LRP2: variants seen among roughly 807,000 people sequenced by gnomAD.
LRP2 encodes low-density lipoprotein receptor-related protein 2.
LRP2 carries 172 observed loss-of-function variants against 531.0 expected under a neutral mutation model. The observed-to-expected ratio is 0.32, with a 90% CI of 0.29 to 0.37. The LOEUF (loss-of-function observed/expected upper bound fraction) is 0.37. LRP2 is among the 10% of genes least tolerant of loss of function. The pLI is 1.00. For missense variants in LRP2, 5,167 were observed against 5,868.3 expected (o/e 0.88, Z 3.90); for synonymous variants, 1,992 against 2,027.6 (o/e 0.98, Z 0.47).
At position 169,268,709 on chromosome 2, in the gene LRP2, C is replaced by T. The variant is rs570304433; in HGVS notation, c.2320+2195G>A. Among the ~76,000 whole-genome samples, 11 of 152,326 alleles carry T rather than the reference C, an allele frequency of 7.2e-5. No individual in the cohort carries two copies. The South Asian group carries it at 2.3e-3, about 32-fold the overall frequency. Reference sequence around the variant, plus strand: ...AACTGGCACAAGGCAGGGATGCCCTCTCTCGCCACTCCTACTCAGCATAGT... The same window carrying T: ...AACTGGCACAAGGCAGGGATGCCCTTTCTCGCCACTCCTACTCAGCATAGT... On this transcript the variant is annotated intron_variant, in intron 16 of 78. Transcript: ENST00000649046.
intron 57 of LRP2, among the ~76,000 whole-genome samples, 185 bp downstream of exon 57, chr2:169,172,911 C>T (rs1054234850): frequency 1.3e-5 from 2 of 152,152 alleles, no homozygotes; most frequent in Non-Finnish European, 2.9e-5. Flanking sequence ...AAATTAAATA[C>T]CCCTGGTAAC....
chr2:169,314,924 C>T lies in LRP2; in HGVS notation c.310+3838G>A, dbSNP rs567514851. Among the ~76,000 whole-genome samples, 8 of 152,148 alleles carry T rather than the reference C, an allele frequency of 5.3e-5. No individual in the cohort carries two copies. In the South Asian group the frequency reaches 6.2e-4, roughly 12 times the overall value. On this transcript the variant is annotated intron_variant, in intron 3 of 78. Coordinates refer to ENST00000649046, the MANE Select transcript of LRP2 (RefSeq NM_004525.3). Reference sequence around the variant, plus strand: ...AAATTAAAGAACTTTCTTTTATTCCCGAGAAGGCAAGTCATGGGTTGTCTC... The same window carrying T: ...AAATTAAAGAACTTTCTTTTATTCCTGAGAAGGCAAGTCATGGGTTGTCTC...
chr2:169,139,683 C>G, intron 72 of LRP2, 73 bp from the exon 73 acceptor site: 1 of 1,286,552 alleles, frequency 7.8e-7, no homozygotes, highest in South Asian at 1.2e-5. Flanking sequence ...TGAGCACATC[C>G]TGAAGTAGAG....
intron 25 of LRP2, 89 bp from the exon 26 acceptor site, chr2:169,239,864 T>C: frequency 9.0e-7 from 1 of 1,116,758 alleles, no homozygotes; most frequent in Non-Finnish European, 1.3e-6. Context: ...TTATGCAGTC[T>C]CATGCCACCT....
intron 3 of LRP2, among the ~76,000 whole-genome samples, chr2:169,311,423 G>A (rs1684595227): frequency 6.6e-6 from 1 of 152,200 alleles, no homozygotes; most frequent in East Asian, 1.9e-4. Flanking sequence ...TGGTTTCAAA[G>A]AACATCTTTA....
chr2:169,231,128 T>C (rs921162700), intron 31 of LRP2, among the ~76,000 whole-genome samples: 1 of 151,928 alleles, frequency 6.6e-6, no homozygotes, highest in Non-Finnish European at 1.5e-5. Context: ...ACCCGGTCTC[T>C]ACAAAAAATA....
chr2:169,325,322 T>A (rs1574258215), intron 1 of LRP2, among the ~76,000 whole-genome samples: 1 of 152,242 alleles, frequency 6.6e-6, no homozygotes, highest in African/African-American at 2.4e-5. Context: ...GTCCTCTTTT[T>A]AAAAATTTGT....
Position 169,280,342 on chromosome 2 carries a change from C to T in LRP2, c.1341+8G>A. 1.2e-6 allele frequency: 2 copies of T among 1,614,132 alleles called. No homozygotes were observed. Among genetic ancestry groups the T allele is most frequent in the Non-Finnish European group, 1.7e-6 (2 of 1,179,998 alleles). ...GGGTTCCATTCAGCTACTGAAATTT[C>T]TATTTACCTTATTTTGCACGGTGTC... On this transcript the variant is annotated splice_region_variant and intron_variant, in intron 11 of 78. Transcript: ENST00000649046.
intron 68 of LRP2, among the ~76,000 whole-genome samples, chr2:169,147,175 T>C (rs1191600157): frequency 6.6e-6 from 1 of 152,182 alleles, no homozygotes; most frequent in Non-Finnish European, 1.5e-5. Context: ...ACCTCCTTAA[T>C]AGAAATTGGC....
intron 1 of LRP2, among the ~76,000 whole-genome samples, chr2:169,333,403 T>C (rs1685316701): frequency 6.6e-6 from 1 of 151,152 alleles, no homozygotes; most frequent in African/African-American, 2.4e-5. Flanking sequence ...TATGATGTGT[T>C]AGAATATATG....
intron 77 of LRP2, among the ~76,000 whole-genome samples, chr2:169,131,558 A>G (rs1019579846): frequency 6.6e-6 from 1 of 152,208 alleles, no homozygotes; most frequent in African/African-American, 2.4e-5. Context: ...AATTGGTCAT[A>G]GAATCTTAGA....
chr2:169,170,559 C>T lies in LRP2; in HGVS notation c.11372G>A (p.Arg3791Gln), dbSNP rs774602773. The T allele has an allele frequency of 7.4e-6, 12 of 1,613,154 alleles. No individual in the cohort carries two copies. The highest frequency in any genetic ancestry group is 3.3e-5 in the Admixed American group (2 of 60,004). ...YNDCGDNSDE[R>Q]DCEMRTCHPE... ...TCTCAAATGACAGTTACCACAGTCC[C>T]GTTCATCTGAGTTGTCCCCACAGTC... is the stretch of plus-strand genomic sequence containing the variant. The change falls in exon 59 of 79, where the codon CGG (arginine) becomes CAG (glutamine). Residue 3791 changes from arginine (R) to glutamine (Q), a missense_variant. This residue lies in a region of LRP2 where 564 missense variants were observed against 747.7 expected (regional missense o/e 0.75). Coordinates refer to ENST00000649046, the MANE Select transcript of LRP2 (RefSeq NM_004525.3).
rs1337766964 is a variant in LRP2 at position 169,145,907 on chromosome 2, G to C, written c.12828C>G (p.Ser4276Arg). Residue 4276 changes from serine (S) to arginine (R), a missense_variant, in exon 70 of 79, where the codon AGC (serine) becomes AGG (arginine). By Grantham distance (110) the Ser-to-Arg change is moderately radical. Transcript: ENST00000649046. ...ATAACTGGTCTTCAAAGATGTCCAGGCTGTAAGGGTTCATTGCTGCTTACC... is the reference window on the plus strand; with the variant it reads ...ATAACTGGTCTTCAAAGATGTCCAGCCTGTAAGGGTTCATTGCTGCTTACC... ...VIAKEAMNPY[S>R]LDIFEDQLYW... The C allele has an allele frequency of 3.1e-6, 5 of 1,613,906 alleles. No homozygotes were observed. The highest frequency in any genetic ancestry group is 4.2e-6 in the Non-Finnish European group (5 of 1,180,000).
chr2:169,140,598 C>A, intron 71 of LRP2, 53 bp from the exon 72 acceptor site: 1 of 1,406,156 alleles, frequency 7.1e-7, no homozygotes, highest in Non-Finnish European at 1.0e-6. Flanking sequence ...CAGCAGAGTG[C>A]CCACACCATG....
intron 63 of LRP2, among the ~76,000 whole-genome samples, chr2:169,160,199 C>T (rs1558986130): frequency 6.6e-6 from 1 of 152,000 alleles, no homozygotes; most frequent in Non-Finnish European, 1.5e-5. Flanking sequence ...TCCTTTATAC[C>T]TGAATGGTGC....
intron 1 of LRP2, among the ~76,000 whole-genome samples, chr2:169,349,304 AG>A (rs1452844503): frequency 6.6e-6 from 1 of 152,148 alleles, no homozygotes; most frequent in Non-Finnish European, 1.5e-5. Flanking sequence ...GAGGAAAGGA[AG>A]TAAGTCATGC....
At position 169,243,402 on chromosome 2, in the gene LRP2, C is replaced by A; in HGVS notation, c.3550+1G>T. 6.2e-7 allele frequency: 1 copy of A among 1,614,038 alleles called. No individual in the cohort carries two copies. Among genetic ancestry groups the A allele is most frequent in the Non-Finnish European group, 8.5e-7 (1 of 1,179,948 alleles). On this transcript the variant is annotated splice_donor_variant, in intron 23 of 78. Transcript: ENST00000649046. LOFTEE classifies it high-confidence loss of function. Reference sequence around the variant, plus strand: ...AATAAAAAAGAAGGCAATGCACTTACCACAACCAACCTCATCAGATCCATC... The same window carrying A: ...AATAAAAAAGAAGGCAATGCACTTAACACAACCAACCTCATCAGATCCATC...
Position 169,241,272 on chromosome 2 carries a change from G to A in LRP2, c.3761C>T (p.Pro1254Leu), listed in dbSNP as rs2105383685. ...IPNFWECDGH[P>L]DCLYGSDEHN... ...CTCATCAGATCCATAGAGGCAGTCT[G>A]GATGCCCATCACATTCCCAGAAGTT... Residue 1254 changes from proline (P) to leucine (L), a missense_variant, in exon 25 of 79, where the codon CCA (proline) becomes CTA (leucine). By Grantham distance (98) the Pro-to-Leu change is moderately conservative (BLOSUM62 -3). This residue lies in a region of LRP2 where 2,811 missense variants were observed against 3,058.0 expected (regional missense o/e 0.92). Transcript: ENST00000649046. 6.2e-7 allele frequency: 1 copy of A among 1,614,176 alleles called. No homozygotes were observed. The highest frequency in any genetic ancestry group is 8.5e-7 in the Non-Finnish European group (1 of 1,180,038).
chr2:169,174,039 T>C lies in LRP2; in HGVS notation c.10894A>G (p.Ser3632Gly), dbSNP rs17848188. ...AACTGGCCCGGCCGGCAGGTCCTGCTGGCACAGTGGGAACTGTCTTCATCT... is the reference window on the plus strand; with the variant it reads ...AACTGGCCCGGCCGGCAGGTCCTGCCGGCACAGTGGGAACTGTCTTCATCT... ...NSDEDSSHCA[S>G]RTCRPGQFRC... Residue 3632 changes from serine (S) to glycine (G), a missense_variant, in exon 56 of 79, where the codon AGC (serine) becomes GGC (glycine). By Grantham distance (56) the Ser-to-Gly change is moderately conservative. This residue lies in a region of LRP2 where 311 missense variants were observed against 309.4 expected (regional missense o/e 1.01). Transcript: ENST00000649046. 84 of 1,614,240 alleles carry C rather than the reference T, an allele frequency of 5.2e-5. No homozygotes were observed. The East Asian group carries it at 1.9e-3, about 36-fold the overall frequency.
Sources: allele counts gnomAD v4.1 joint callset (sites outside exome capture counted in the v4.1 genomes callset), GRCh38; gene constraint gnomAD v4.1.1; regional missense constraint gnomAD v4.1.1; transcripts MANE v1.5; gene names NCBI Gene and HGNC (gene_info 2026-07-23, HGNC 2026-07-21).